The following PAPPA2 variants were observed in gnomAD, a reference collection of about 807,000 sequenced individuals.
The protein encoded by PAPPA2 is pappalysin-2.
In PAPPA2, 86 loss-of-function variants were observed where a neutral mutation model predicts 176.4. That is an observed-to-expected ratio of 0.49 (90% CI 0.41 to 0.58). PAPPA2 has a LOEUF of 0.58. PAPPA2 is among the 20% of genes least tolerant of loss of function. PAPPA2 has a pLI of 0.00. For synonymous variants in PAPPA2, 809 were observed against 852.2 expected (o/e 0.95, Z 0.88); for missense variants, 2,073 against 2,256.9 (o/e 0.92, Z 1.65).
chr1:176,474,461 G>A (rs1054468529), intron 1 of PAPPA2, among the ~76,000 whole-genome samples: 3 of 152,218 alleles, frequency 2.0e-5, no homozygotes, highest in Admixed American at 1.3e-4. Flanking sequence ...TAGGAAATGA[G>A]CTGGATGTTT....
At chr1:176,498,766 A>AG (rs1223303234) in intron 1 of PAPPA2, among the ~76,000 whole-genome samples, 2 of 151,392 alleles carry the variant, frequency 1.3e-5, no homozygotes, top group Admixed American at 6.6e-5. Context: ...AAAAAAAAAA[A>AG]GAAGAAGAAA....
intron 3 of PAPPA2, among the ~76,000 whole-genome samples, chr1:176,609,537 A>G (rs1654793770): frequency 6.6e-6 from 1 of 152,254 alleles, no homozygotes; most frequent in South Asian, 2.1e-4. Context: ...ATTTGAGCAT[A>G]TATCTGAAGG....
At chr1:176,544,698 A>G (rs1650537437) in intron 1 of PAPPA2, among the ~76,000 whole-genome samples, 1 of 152,148 alleles carries the variant, frequency 6.6e-6, no homozygotes, top group Admixed American at 6.6e-5. Context: ...GCTCAGTCCC[A>G]CAAGATTGCT....
intron 20 of PAPPA2, among the ~76,000 whole-genome samples, chr1:176,796,348 G>A (rs1665424896): frequency 1.3e-5 from 2 of 152,208 alleles, no homozygotes; most frequent in African/African-American, 4.8e-5. Flanking sequence ...TTACTCAGGA[G>A]CACATACATG....
chr1:176,670,864 G>T, intron 3 of PAPPA2, 106 bp from the exon 4 acceptor site: 1 of 1,431,166 alleles, frequency 7.0e-7, no homozygotes. Flanking sequence ...CCTCCAAAAG[G>T]TAATGCTGGC....
At chr1:176,823,204 G>T (rs1666731314) in intron 21 of PAPPA2, among the ~76,000 whole-genome samples, 1 of 152,006 alleles carries the variant, frequency 6.6e-6, no homozygotes, top group Admixed American at 6.6e-5. Context: ...TTGTTTGTTT[G>T]TTATGGTAAC....
chr1:176,626,770 A>C (rs1358303931), intron 3 of PAPPA2, among the ~76,000 whole-genome samples: 1 of 152,160 alleles, frequency 6.6e-6, no homozygotes, highest in East Asian at 1.9e-4. Context: ...TGATGTCCAG[A>C]CAGCACAAGG....
chr1:176,611,706 A>G (rs1654939211), intron 3 of PAPPA2, among the ~76,000 whole-genome samples: 1 of 152,314 alleles, frequency 6.6e-6, no homozygotes, highest in African/African-American at 2.4e-5. Flanking sequence ...TTGGGGAGCT[A>G]TTAGAGCATC....
At chr1:176,803,953 T>A (rs866458861) in intron 21 of PAPPA2, among the ~76,000 whole-genome samples, 19 of 152,178 alleles carry the variant, frequency 1.2e-4, no homozygotes, top group African/African-American at 4.1e-4. Flanking sequence ...TGATCTAGGA[T>A]TGAATATTTG....
chr1:176,757,134 C>T (rs1663467557), intron 14 of PAPPA2, among the ~76,000 whole-genome samples: 1 of 152,192 alleles, frequency 6.6e-6, no homozygotes, highest in Non-Finnish European at 1.5e-5. Context: ...GGTTCCAAGT[C>T]TTTGCTATTG....
chr1:176,777,932 C>A (rs2102921348), intron 17 of PAPPA2, among the ~76,000 whole-genome samples: 1 of 151,738 alleles, frequency 6.6e-6, no homozygotes, highest in Admixed American at 6.6e-5. Flanking sequence ...CCTTCTGGTG[C>A]AATAGGGAAA....
Position 176,834,224 on chromosome 1 carries a change from T to A in PAPPA2, c.5203-5949T>A, listed in dbSNP as rs1667184432. ...ATAAATATGTGGATCAAATATACCA[T>A]AACTCAGAGAAGGGACAGCTTTCTG... On this transcript the variant is annotated intron_variant, in intron 21 of 22. Coordinates refer to ENST00000367662, the MANE Select transcript of PAPPA2 (RefSeq NM_020318.3). Among the ~76,000 whole-genome samples, 2 of 152,196 alleles carry A rather than the reference T, an allele frequency of 1.3e-5. 1 individual carries two copies. Among genetic ancestry groups the A allele is most frequent in the Admixed American group, 1.3e-4 (2 of 15,274 alleles).
intron 21 of PAPPA2, among the ~76,000 whole-genome samples, chr1:176,831,240 G>A (rs1266965990): frequency 1.3e-5 from 2 of 152,132 alleles, no homozygotes; most frequent in Non-Finnish European, 1.5e-5. Flanking sequence ...GGTAACAGGT[G>A]AGGGAAGAGA....
rs557723766 is a variant in PAPPA2 at position 176,673,679 on chromosome 1, C to G, written c.2137+2564C>G. On this transcript the variant is annotated intron_variant, in intron 4 of 22. Transcript: ENST00000367662. Reference sequence around the variant, plus strand: ...TTATTAGAATTGGGCATTAGCAAGACTCATTCAACTATAAAAATGGATAAA... The same window carrying G: ...TTATTAGAATTGGGCATTAGCAAGAGTCATTCAACTATAAAAATGGATAAA... 6.6e-5 allele frequency among the ~76,000 whole-genome samples: 10 copies of G among 152,232 alleles called. 1 individual carries two copies. In the South Asian group the frequency reaches 2.1e-3, roughly 32 times the overall value.
At chr1:176,786,347 G>A (rs191982983) in intron 17 of PAPPA2, among the ~76,000 whole-genome samples, 19 of 152,220 alleles carry the variant, frequency 1.2e-4, no homozygotes, top group South Asian at 4.2e-4. Flanking sequence ...AGTGTCTGGT[G>A]TTGCAAAGTA....
chr1:176,805,290 T>C lies in PAPPA2; in HGVS notation c.5202+5158T>C, dbSNP rs573415757. On this transcript the variant is annotated intron_variant, in intron 21 of 22. Transcript: ENST00000367662. ...AGTTTTCTTCATACTTATGGGATGA[T>C]TAAAATCCACCTAATTCTTGGCTCT... 2.0e-5 allele frequency among the ~76,000 whole-genome samples: 3 copies of C among 152,326 alleles called. No individual in the cohort carries two copies. In the East Asian group the frequency reaches 5.8e-4, roughly 29 times the overall value.
rs1436286640 is a variant in PAPPA2 at position 176,769,596 on chromosome 1, T to C, written c.4324-11T>C. 6.2e-7 allele frequency: 1 copy of C among 1,612,442 alleles called. No individual in the cohort carries two copies. The highest frequency in any genetic ancestry group is 1.1e-5 in the South Asian group (1 of 90,780). On this transcript the variant is annotated splice_polypyrimidine_tract_variant and intron_variant, in intron 15 of 22. Coordinates refer to ENST00000367662, the MANE Select transcript of PAPPA2 (RefSeq NM_020318.3). ...ATGTGACTTTGACAGAAGCAATTTC[T>C]CTGTTTCTAGAAGGAAATTCTGCTC...
chr1:176,520,975 G>C (rs552590616), intron 1 of PAPPA2, among the ~76,000 whole-genome samples: 62 of 152,196 alleles, frequency 4.1e-4, no homozygotes, highest in African/African-American at 1.5e-3. Flanking sequence ...ATAAAAAAGA[G>C]AAATAGACCT....
Position 176,556,757 on chromosome 1 carries a change from C to G in PAPPA2, c.435C>G (p.Asp145Glu), listed in dbSNP as rs1364959619. The change falls in exon 2 of 23, where the codon GAC becomes GAG. Residue 145 changes from aspartate to glutamate, a missense_variant. Physicochemically the swap from Asp to Glu is conservative, Grantham distance 45. This residue lies in a region of PAPPA2 where 1,196 missense variants were observed against 1,330.4 expected (regional missense o/e 0.90). Transcript: ENST00000367662. Reference sequence around the variant, plus strand: ...AATCTGAGCTGCTGGGAGATGATGACGCTTATCTCGGCAATCAAAGATCCA... The same window carrying G: ...AATCTGAGCTGCTGGGAGATGATGAGGCTTATCTCGGCAATCAAAGATCCA... The part of the protein sequence containing the change: ...IGQSELLGDD[D>E]AYLGNQRSKE... 10 of 1,613,958 alleles carry G rather than the reference C, an allele frequency of 6.2e-6. No homozygotes were observed. The highest frequency in any genetic ancestry group is 4.0e-5 in the African/African-American group (3 of 74,896).
Sources: gnomAD v4.1 joint callset for allele counts (sites outside exome capture counted in the v4.1 genomes callset) on GRCh38, gnomAD v4.1.1 for gene constraint, gnomAD v4.1.1 regional missense constraint, MANE v1.5 for transcripts, NCBI Gene and HGNC (gene_info 2026-07-23, HGNC 2026-07-21) for gene names.